Variants in ZYG11B observed in about 807,000 individuals in gnomAD.
The protein encoded by ZYG11B is zyg-11 family member B, cell cycle regulator, also known as protein zyg-11 homolog B.
Under a neutral mutation model 82.4 loss-of-function variants are expected in ZYG11B, and 36 were observed. The observed-to-expected ratio is 0.44, with a 90% confidence interval of 0.33 to 0.58. ZYG11B has a LOEUF of 0.58. Among genes scored for constraint, ZYG11B ranks in the 20% least tolerant of loss-of-function variants. The probability of loss-of-function intolerance (pLI) is 0.02; values close to 1 mark genes in which losing one functional copy is unlikely to be tolerated. For missense variants in ZYG11B, 552 were observed against 895.6 expected, an observed-to-expected ratio of 0.62 and a Z score of 4.90; for synonymous variants, 303 against 312.8, an observed-to-expected ratio of 0.97 and a Z score of 0.33.
chr1:52,803,795 C>T (rs989491380), intron 10 of ZYG11B, among the ~76,000 whole-genome samples: 1 of 152,074 alleles, frequency 6.6e-6, no homozygotes, highest in Non-Finnish European at 1.5e-5. Context: ...TGTAGATTTG[C>T]AGTCTCACCA....
In ZYG11B at chr1:52,756,458, G is replaced by C. The variant is rs1558122898; in HGVS notation, c.31G>C (p.Glu11Gln). The C allele has an allele frequency of 1.2e-6, 2 of 1,606,950 alleles. No individual in the cohort carries two copies. The highest frequency in any genetic ancestry group is 1.7e-6 in the Non-Finnish European group (2 of 1,176,264). The change falls in exon 2 of 14, where the codon GAG becomes CAG. Residue 11 changes from glutamate to glutamine, a missense_variant and splice_region_variant. Glu to Gln is a conservative substitution (Grantham distance 29). Transcript: ENST00000294353. MPEDQAGAAMEEASPYSLLDI... is the reference protein window; with the variant it reads MPEDQAGAAMQEASPYSLLDI... ...TTTATATTTTTCCCTGGGCTCCAAGGAGGAGGCGTCTCCCTATTCCTTACT... is the reference window on the plus strand; with the variant it reads ...TTTATATTTTTCCCTGGGCTCCAAGCAGGAGGCGTCTCCCTATTCCTTACT...
At chr1:52,791,798 A>G (rs147112640) in intron 6 of ZYG11B, among the ~76,000 whole-genome samples, 3 of 152,328 alleles carry the variant, frequency 2.0e-5, no homozygotes, top group Admixed American at 6.5e-5. Context: ...ATAACTACGT[A>G]TATCTCATGT....
intron 10 of ZYG11B, among the ~76,000 whole-genome samples, chr1:52,803,105 T>TATATACACAC (rs1553262791): frequency 2.2e-5 from 2 of 90,112 alleles, no homozygotes; most frequent in Non-Finnish European, 3.6e-5. Flanking sequence ...TATACATATA[T>TATATACACAC]ATATATATAT....
At chr1:52,749,613 A>AT (rs1433417995) in intron 1 of ZYG11B, among the ~76,000 whole-genome samples, 1 of 151,668 alleles carries the variant, frequency 6.6e-6, no homozygotes, top group Non-Finnish European at 1.5e-5. Context: ...TTTATTTTTT[A>AT]TTTTTTTGAG....
chr1:52,762,243 C>T (rs537571330), intron 2 of ZYG11B, among the ~76,000 whole-genome samples: 73 of 143,594 alleles, frequency 5.1e-4, no homozygotes, highest in African/African-American at 1.9e-3. Context: ...GGGTCTCACT[C>T]TGTTATGCAG....
chr1:52,735,886 G>A (rs1273004579), intron 1 of ZYG11B, among the ~76,000 whole-genome samples: 2 of 152,090 alleles, frequency 1.3e-5, no homozygotes. Context: ...TGAGAGACAG[G>A]ACAGTAACAT....
At chr1:52,798,619 C>T (rs1363882663) in intron 8 of ZYG11B, among the ~76,000 whole-genome samples, 1 of 152,028 alleles carries the variant, frequency 6.6e-6, no homozygotes, top group Non-Finnish European at 1.5e-5. Context: ...TCCAAAAATA[C>T]AAAACACCTA....
intron 1 of ZYG11B, among the ~76,000 whole-genome samples, chr1:52,750,151 G>T (rs1644508720): frequency 6.6e-6 from 1 of 152,062 alleles, no homozygotes. Context: ...AGGCAGTAGA[G>T]CAGTGGCACA....
intron 4 of ZYG11B, among the ~76,000 whole-genome samples, chr1:52,783,052 G>A (rs980720174): frequency 1.3e-5 from 2 of 151,362 alleles, no homozygotes; most frequent in African/African-American, 2.4e-5. Flanking sequence ...TCAGCCTCCC[G>A]AGTAGCTGAG....
At chr1:52,786,486 C>T (rs1332137364) in intron 5 of ZYG11B, among the ~76,000 whole-genome samples, 4 of 152,118 alleles carry the variant, frequency 2.6e-5, no homozygotes, top group Admixed American at 6.6e-5. Flanking sequence ...CGGTGGCTCA[C>T]GCCTGTAATC....
intron 4 of ZYG11B, 96 bp downstream of exon 4, chr1:52,780,089 T>C: frequency 8.1e-7 from 1 of 1,231,224 alleles, no homozygotes; most frequent in Non-Finnish European, 1.1e-6. Context: ...TTTAGTCTTT[T>C]TTTATTATTT....
At position 52,785,000 on chromosome 1, in the gene ZYG11B, G is replaced by A; in HGVS notation, c.1216G>A (p.Asp406Asn). ...AAGMPVRLLA[D>N]VTHLLLKAME... ...AGGGATGCCTGTCCGACTCCTGGCT[G>A]ATGTGACCCATTTGCTGCTCAAAGC... is the stretch of plus-strand genomic sequence containing the variant. The change falls in exon 5 of 14, where the codon GAT becomes AAT. Residue 406 changes from aspartate (D) to asparagine (N), a missense_variant. Physicochemically the swap from Asp to Asn is conservative, Grantham distance 23 (BLOSUM62 1). Around this residue, in one of 3 missense-constraint regions of ZYG11B, gnomAD observed 359 missense variants for 555.8 expected, o/e 0.65. Transcript: ENST00000294353. 1 of 1,614,084 alleles carries A rather than the reference G, an allele frequency of 6.2e-7. No homozygotes were observed. The highest frequency in any genetic ancestry group is 8.5e-7 in the Non-Finnish European group (1 of 1,180,008).
intron 10 of ZYG11B, among the ~76,000 whole-genome samples, chr1:52,809,066 TTTCAAGTGATTATTCTCC>T: frequency 6.6e-6 from 1 of 152,328 alleles, no homozygotes; most frequent in South Asian, 2.1e-4. Context: ...TCAGGGTCAA[TTTCAAGTGATTATTCTCC>T]TCATTATGAA....
chr1:52,801,500 C>G (rs1365067572), intron 8 of ZYG11B, among the ~76,000 whole-genome samples: 1 of 151,570 alleles, frequency 6.6e-6, no homozygotes, highest in African/African-American at 2.4e-5. Flanking sequence ...TTTTCCTTTG[C>G]CTTTTTAATT....
Position 52,771,841 on chromosome 1 carries a change from A to T in ZYG11B, c.951+67A>T. 1.3e-6 allele frequency: 2 copies of T among 1,498,106 alleles called. No homozygotes were observed. Among genetic ancestry groups the T allele is most frequent in the Non-Finnish European group, 1.8e-6 (2 of 1,109,864 alleles). The allele number at this position is 1,498,106 out of a possible 1,614,324, so 92.8% of individuals were successfully genotyped here. A position where few individuals can be genotyped will look rare whatever the true frequency, so the allele number is the denominator to read the frequency against. On this transcript the variant is annotated intron_variant, in intron 3 of 13. Coordinates refer to ENST00000294353, the MANE Select transcript of ZYG11B (RefSeq NM_024646.3). This position sits in a 1 kb window ranked among gnomAD's most constrained non-coding sequence, Gnocchi z 5.4. ...ATCTTAGTTGCATAAGACTCTATTA[A>T]AGATGAATGTCTGTAATATATGGAA...
chr1:52,766,231 C>T (rs1264070868), intron 2 of ZYG11B, among the ~76,000 whole-genome samples: 13 of 149,832 alleles, frequency 8.7e-5, no homozygotes, highest in Admixed American at 8.1e-4. Context: ...AGTGATTCTT[C>T]TGTCTCAACC....
chr1:52,737,288 C>T (rs1290177709), intron 1 of ZYG11B, among the ~76,000 whole-genome samples: 1 of 152,154 alleles, frequency 6.6e-6, no homozygotes. Context: ...CTGTATGCCT[C>T]TCCTGTACAG....
At chr1:52,754,068 C>T (rs1173786425) in intron 1 of ZYG11B, among the ~76,000 whole-genome samples, 3 of 151,436 alleles carry the variant, frequency 2.0e-5, no homozygotes, top group African/African-American at 7.3e-5. Flanking sequence ...CTCTATTGCC[C>T]AGGCTTGAGT....
chr1:52,812,222 C>T (rs1645189961), intron 10 of ZYG11B, among the ~76,000 whole-genome samples: 1 of 151,570 alleles, frequency 6.6e-6, no homozygotes, highest in Non-Finnish European at 1.5e-5. Flanking sequence ...TTTTTCTGCC[C>T]CTTTGTATGC....
Sources: allele counts gnomAD v4.1 joint callset (sites outside exome capture counted in the v4.1 genomes callset), GRCh38; gene constraint gnomAD v4.1.1; regional missense constraint gnomAD v4.1.1; non-coding constraint Gnocchi (gnomAD v3.1); transcripts MANE v1.5; gene names NCBI Gene and HGNC (gene_info 2026-07-23, HGNC 2026-07-21).